The following MEOX2 variants were observed in gnomAD, a reference collection of about 807,000 sequenced individuals.
MEOX2 encodes homeobox protein MOX-2.
MEOX2 carries 11 observed loss-of-function variants against 27.0 expected under a neutral mutation model. The ratio of observed to expected loss-of-function variants is 0.41; its 90% CI spans 0.26 to 0.68. The LOEUF is 0.68. Ranked by LOEUF, MEOX2 falls within the 30% of genes least tolerant of loss-of-function variation. MEOX2 has a pLI of 0.33. For synonymous variants in MEOX2, 189 were observed against 155.4 expected, an observed-to-expected ratio of 1.22 and a Z score of -1.61; for missense variants, 436 against 385.4, an observed-to-expected ratio of 1.13 and a Z score of -1.10.
At chr7:15,663,099 G>A (rs919212921) in intron 1 of MEOX2, among the ~76,000 whole-genome samples, 8 of 152,196 alleles carry the variant, frequency 5.3e-5, no homozygotes, top group Admixed American at 2.0e-4. Flanking sequence ...GAACACTAGC[G>A]TCCCTACTGA....
chr7:15,640,248 G>C (rs1046262739), intron 1 of MEOX2, among the ~76,000 whole-genome samples: 1 of 148,662 alleles, frequency 6.7e-6, no homozygotes, highest in Non-Finnish European at 1.5e-5. Flanking sequence ...GGTTGTGTGT[G>C]TGTGTTTGTG....
chr7:15,681,653 CTA>C (rs1390255130), intron 1 of MEOX2: 2 of 151,532 alleles, frequency 1.3e-5, no homozygotes, highest in African/African-American at 2.4e-5. Flanking sequence ...AATGAACGGT[CTA>C]TGTTTTGAAA....
In MEOX2 at chr7:15,612,453, T is replaced by C. The variant is rs1397835709; in HGVS notation, c.849A>G (p.Thr283=). The change falls in exon 3 of 3, where the codon ACA becomes ACG. Residue 283 remains threonine, a synonymous_variant. Coordinates refer to ENST00000262041, the MANE Select transcript of MEOX2 (RefSeq NM_005924.5). The stretch of plus-strand genomic sequence containing the variant: ...TGTCTTCATTTGCTATAGAGTCCCC[T>C]GTTTGCTGGAGGGTGGCTGCACCAA... ...SGIGAATLQQ[T]GDSIANEDSH... 16 of 1,614,050 alleles carry C rather than the reference T, an allele frequency of 9.9e-6. No homozygotes were observed. Among genetic ancestry groups the C allele is most frequent in the African/African-American group, 1.3e-5 (1 of 74,912 alleles).
chr7:15,644,251 T>G (rs569418519), intron 1 of MEOX2, among the ~76,000 whole-genome samples: 1 of 152,238 alleles, frequency 6.6e-6, no homozygotes. Context: ...AAGCAGTGCC[T>G]CTATATGTTC....
At chr7:15,656,843 A>C (rs1413507179) in intron 1 of MEOX2, among the ~76,000 whole-genome samples, 1 of 150,538 alleles carries the variant, frequency 6.6e-6, no homozygotes, top group Admixed American at 6.6e-5. Flanking sequence ...TTTTTGTCCA[A>C]AAAAAAAATT....
At chr7:15,631,710 G>A (rs1583751590) in intron 1 of MEOX2, among the ~76,000 whole-genome samples, 1 of 151,682 alleles carries the variant, frequency 6.6e-6, no homozygotes, top group Admixed American at 6.6e-5. Flanking sequence ...CATTACAATT[G>A]CTAACTTATA....
chr7:15,656,858 A>T (rs2115380754), intron 1 of MEOX2, among the ~76,000 whole-genome samples: 1 of 151,882 alleles, frequency 6.6e-6, no homozygotes, highest in Non-Finnish European at 1.5e-5. Context: ...AAAATTCTTT[A>T]GTCATTCTTT....
chr7:15,660,906 G>A (rs971455622), intron 1 of MEOX2, among the ~76,000 whole-genome samples: 6 of 151,052 alleles, frequency 4.0e-5, no homozygotes, highest in Admixed American at 1.3e-4. Context: ...CCAGCTACTC[G>A]GGAGGCTGAG....
chr7:15,664,909 CT>C (rs1264627078), intron 1 of MEOX2, among the ~76,000 whole-genome samples: 1 of 152,142 alleles, frequency 6.6e-6, no homozygotes, highest in African/African-American at 2.4e-5. Context: ...AATACTTTAT[CT>C]TGGAGGATGA....
intron 2 of MEOX2, among the ~76,000 whole-genome samples, chr7:15,625,115 C>T (rs1414289462): frequency 6.6e-6 from 1 of 152,170 alleles, no homozygotes; most frequent in African/African-American, 2.4e-5. Context: ...AGATTGGAAG[C>T]AAATCCTAGT....
chr7:15,633,545 G>T (rs766244088), intron 1 of MEOX2, among the ~76,000 whole-genome samples: 5 of 151,908 alleles, frequency 3.3e-5, no homozygotes, highest in Admixed American at 1.3e-4. Context: ...AATTCTGCCG[G>T]TAGTGCAGTA....
Position 15,612,223 on chromosome 7 carries a change from T to A in MEOX2, c.*164A>T. The stretch of plus-strand genomic sequence containing the variant: ...GTGGAAGCTCTTTAATAAGTGGCAC[T>A]TTGTGTAAACCCTCTATAAATCATG... On this transcript the variant is annotated 3_prime_UTR_variant, in exon 3 of 3. Transcript: ENST00000262041. 1.6e-6 allele frequency: 1 copy of A among 633,312 alleles called. No individual in the cohort carries two copies. Among genetic ancestry groups the A allele is most frequent in the Non-Finnish European group, 2.7e-6 (1 of 366,668 alleles). The allele number at this position is 633,312 out of a possible 1,614,324, so 39.2% of individuals were successfully genotyped here.
chr7:15,682,649 C>A (rs1782312071), intron 1 of MEOX2, among the ~76,000 whole-genome samples: 1 of 151,766 alleles, frequency 6.6e-6, no homozygotes, highest in Admixed American at 6.6e-5. Flanking sequence ...AAAGTTCGAT[C>A]AATGAATTAA....
rs952962906 is a variant in MEOX2 at position 15,646,531 on chromosome 7, G to A, written c.518-19613C>T. On this transcript the variant is annotated intron_variant, in intron 1 of 2. Transcript: ENST00000262041. ...TAAAATCCATGATATTAAAACTCTG[G>A]GTTACTGAAAATATTAGTTGTTTGA... 2.6e-5 allele frequency among the ~76,000 whole-genome samples: 4 copies of A among 151,698 alleles called. 1 individual carries two copies. In the East Asian group the frequency reaches 7.7e-4, roughly 29 times the overall value.
At position 15,616,134 on chromosome 7, in the gene MEOX2, A is replaced by T. The variant is rs1781120061; in HGVS notation, c.691-3523T>A. Among the ~76,000 whole-genome samples, 3 of 151,934 alleles carry T rather than the reference A, an allele frequency of 2.0e-5. No homozygotes were observed. In the South Asian group the frequency reaches 6.2e-4, roughly 31 times the overall value. ...GCTACATGTATATACATATGAATAG[A>T]TATAAACATATAAGAATATGCATTT... On this transcript the variant is annotated intron_variant, in intron 2 of 2. Coordinates refer to ENST00000262041, the MANE Select transcript of MEOX2 (RefSeq NM_005924.5).
Position 15,686,403 on chromosome 7 carries a change from A to G in MEOX2, c.-1T>C, listed in dbSNP as rs1782386497. 1.3e-6 allele frequency: 2 copies of G among 1,564,322 alleles called. No homozygotes were observed. Among genetic ancestry groups the G allele is most frequent in the East Asian group, 2.4e-5 (1 of 42,210 alleles). Reference sequence around the variant, plus strand: ...GGCAGCCAAAGAGCGGGTGTTCCATAGCATGCAAGTTTCGGGTTCCAGGCA... The same window carrying G: ...GGCAGCCAAAGAGCGGGTGTTCCATGGCATGCAAGTTTCGGGTTCCAGGCA... On this transcript the variant is annotated 5_prime_UTR_variant, in exon 1 of 3. Coordinates refer to ENST00000262041, the MANE Select transcript of MEOX2 (RefSeq NM_005924.5).
At chr7:15,647,013 G>A (rs1280700790) in intron 1 of MEOX2, among the ~76,000 whole-genome samples, 1 of 151,860 alleles carries the variant, frequency 6.6e-6, no homozygotes, top group East Asian at 1.9e-4. Flanking sequence ...AACAAATATA[G>A]TAAGTATATA....
chr7:15,618,735 C>G (rs1781165576), intron 2 of MEOX2, among the ~76,000 whole-genome samples: 1 of 151,608 alleles, frequency 6.6e-6, no homozygotes, highest in Admixed American at 6.6e-5. Flanking sequence ...AATTCTTTAT[C>G]AGAATCTATG....
At chr7:15,614,336 C>A (rs1781087692) in intron 2 of MEOX2, among the ~76,000 whole-genome samples, 1 of 151,988 alleles carries the variant, frequency 6.6e-6, no homozygotes, top group Non-Finnish European at 1.5e-5. Flanking sequence ...ATTGCTTGAG[C>A]CCAAGTGGTT....
Sources: allele counts gnomAD v4.1 joint callset (sites outside exome capture counted in the v4.1 genomes callset), GRCh38; gene constraint gnomAD v4.1.1; transcripts MANE v1.5; gene names NCBI Gene and HGNC (gene_info 2026-07-23, HGNC 2026-07-21).